The following BRDT variants were observed in gnomAD, a reference collection of about 807,000 sequenced individuals.
The protein encoded by BRDT is bromodomain testis associated, also known as bromodomain testis-specific protein.
A neutral mutation model predicts 113.9 loss-of-function variants in BRDT; 77 were observed. The ratio of observed to expected loss-of-function variants is 0.68; its 90% CI spans 0.56 to 0.82. The LOEUF is 0.82. BRDT is among the 40% of genes least tolerant of loss of function. BRDT has a pLI of 0.00. For missense variants in BRDT, 1,027 were observed against 1,105.4 expected, an observed-to-expected ratio of 0.93 and a Z score of 1.01; for synonymous variants, 358 against 366.5, an observed-to-expected ratio of 0.98 and a Z score of 0.26.
intron 2 of BRDT, 139 bp from the exon 3 acceptor site, chr1:91,964,488 C>T: frequency 3.8e-6 from 2 of 532,642 alleles, no homozygotes; most frequent in East Asian, 7.3e-5. Flanking sequence ...AGCCACTGTG[C>T]CCAGCCAGAA....
At chr1:91,951,020 C>T (rs1259828184) in intron 1 of BRDT, among the ~76,000 whole-genome samples, 4 of 62,236 alleles carry the variant, frequency 6.4e-5, no homozygotes, top group Admixed American at 2.0e-4. Flanking sequence ...AGTGAGACTC[C>T]GTCTCAAAAA....
chr1:91,978,191 T>A lies in BRDT; in HGVS notation c.993T>A (p.Tyr331Ter). 2 of 1,613,472 alleles carry A rather than the reference T, an allele frequency of 1.2e-6. No homozygotes were observed. The highest frequency in any genetic ancestry group is 1.7e-6 in the Non-Finnish European group (2 of 1,179,488). ...TIKEKMDNQE[Y>*]KDAYKFAADV... is the part of the protein sequence containing the mutation. Reference sequence around the variant, plus strand: ...AGGAGAAAATGGATAACCAAGAATATAAGGATGCATACAAATTTGCGGCAG... The same window carrying A: ...AGGAGAAAATGGATAACCAAGAATAAAAGGATGCATACAAATTTGCGGCAG... The change falls in exon 7 of 19, where the codon TAT (tyrosine) becomes TAA (stop). Residue 331 changes from tyrosine (Y) to a stop codon, truncating the protein, a stop_gained. Transcript: ENST00000399546. LOFTEE classifies it high-confidence loss of function.
chr1:91,964,686 GAATA>G lies in BRDT; in HGVS notation c.257_260del (p.Lys86IlefsTer9). On this transcript the variant is annotated frameshift_variant, in exon 3 of 19. Transcript: ENST00000399546. LOFTEE classifies it high-confidence loss of function. ...TAAATACAATTAAGAAGCGCTTGGA[GAATA>G]AATATTATGCGAAGGCTTCAGAATG... is the stretch of plus-strand genomic sequence containing the variant. The G allele has an allele frequency of 1.3e-6, 2 of 1,517,628 alleles. No individual in the cohort carries two copies. The highest frequency in any genetic ancestry group is 1.8e-6 in the Non-Finnish European group (2 of 1,107,384). The allele number at this position is 1,517,628 out of a possible 1,614,324, so 94.0% of individuals were successfully genotyped here. A position where few individuals can be genotyped will look rare whatever the true frequency, so the allele number is the denominator to read the frequency against.
At chr1:92,009,355 A>G (rs1336796148) in intron 18 of BRDT, among the ~76,000 whole-genome samples, 1 of 152,112 alleles carries the variant, frequency 6.6e-6, no homozygotes, top group Middle Eastern at 3.2e-3. Context: ...CTATTCAGCC[A>G]TTGATGGACA....
chr1:91,971,574 T>C (rs1683629842), intron 4 of BRDT, among the ~76,000 whole-genome samples: 1 of 152,260 alleles, frequency 6.6e-6, no homozygotes. Context: ...CTGATAATGT[T>C]GATTGAGCAA....
intron 18 of BRDT, among the ~76,000 whole-genome samples, chr1:92,007,896 T>TATTCATTC (rs374044683): frequency 1.3e-5 from 2 of 150,662 alleles, no homozygotes; most frequent in Non-Finnish European, 3.0e-5. Context: ...TTTATTTATT[T>TATTCATTC]ATTCATTCAT....
rs1008003078 is a variant in BRDT, at chr1:91,981,883, T to A, written c.2002+128T>A. 2.3e-5 allele frequency: 28 copies of A among 1,216,282 alleles called. No individual in the cohort carries two copies. In the East Asian group the frequency reaches 7.1e-4, roughly 31 times the overall value. The allele number at this position is 1,216,282 out of a possible 1,614,324, so 75.3% of individuals were successfully genotyped here. A position where few individuals can be genotyped will look rare whatever the true frequency, so the allele number is the denominator to read the frequency against. ...TGGTTTGTATATCATGCTAATTATT[T>A]AATTGCATGTTGACAATCTTAGTAT... is the stretch of plus-strand genomic sequence containing the variant. On this transcript the variant is annotated intron_variant, in intron 12 of 18. Transcript: ENST00000399546.
chr1:91,967,690 G>T (rs762089454), intron 3 of BRDT, among the ~76,000 whole-genome samples: 1 of 151,930 alleles, frequency 6.6e-6, no homozygotes, highest in African/African-American at 2.4e-5. Context: ...GAGCCACCGC[G>T]CCCAGCCTAA....
At chr1:91,993,927 G>A (rs1352180294) in intron 14 of BRDT, among the ~76,000 whole-genome samples, 156 bp from the exon 15 acceptor site, 2 of 152,172 alleles carry the variant, frequency 1.3e-5, no homozygotes, top group African/African-American at 2.4e-5. Context: ...TTGCAAGATA[G>A]GGATAACTAT....
chr1:91,994,867 C>CAA (rs11330809), intron 15 of BRDT, among the ~76,000 whole-genome samples: 108 of 65,432 alleles, frequency 1.7e-3, no homozygotes, highest in South Asian at 3.5e-3. Flanking sequence ...GACTCCGTCT[C>CAA]AAAAAAAAAA....
At chr1:91,980,857 A>G (rs1483913963) in intron 9 of BRDT, 32 bp from the exon 10 acceptor site, 6 of 1,592,848 alleles carry the variant, frequency 3.8e-6, no homozygotes, top group Admixed American at 1.8e-5. Context: ...GACAATAACG[A>G]TAAGTTGGAC....
intron 18 of BRDT, 107 bp downstream of exon 18, chr1:92,005,406 G>A: frequency 9.5e-7 from 1 of 1,049,144 alleles, no homozygotes; most frequent in Non-Finnish European, 1.3e-6. Flanking sequence ...TTCAGTGACA[G>A]TGGACTTACC....
chr1:91,971,876 T>C (rs1375301641), intron 4 of BRDT, among the ~76,000 whole-genome samples: 1 of 152,214 alleles, frequency 6.6e-6, no homozygotes, highest in Non-Finnish European at 1.5e-5. Context: ...TATTCCTTTT[T>C]GTTATCTCCC....
At chr1:92,014,063 C>A in intron 18 of BRDT, 143 bp from the exon 19 acceptor site, 1 of 542,114 alleles carries the variant, frequency 1.8e-6, no homozygotes, top group South Asian at 2.9e-5. Context: ...TATTGTTCAA[C>A]CTGAGAAAAT....
At position 91,981,670 on chromosome 1, in the gene BRDT, G is replaced by C. The variant is rs1557837971; in HGVS notation, c.1917G>C (p.Glu639Asp). ...KAVENVSRLS[E>D]SSSSSSSSSE... Reference sequence around the variant, plus strand: ...TTGAAAATGTTTCCCGACTGAGTGAGAGCAGCAGCAGCAGCAGCAGCTCAT... The same window carrying C: ...TTGAAAATGTTTCCCGACTGAGTGACAGCAGCAGCAGCAGCAGCAGCTCAT... Residue 639 changes from glutamate to aspartate, a missense_variant, in exon 12 of 19, where the codon GAG (glutamate) becomes GAC (aspartate). Coordinates refer to ENST00000399546, the MANE Select transcript of BRDT (RefSeq NM_207189.4). 1 of 1,613,650 alleles carries C rather than the reference G, an allele frequency of 6.2e-7. No homozygotes were observed. Among genetic ancestry groups the C allele is most frequent in the Non-Finnish European group, 8.5e-7 (1 of 1,179,780 alleles).
chr1:92,007,457 C>T (rs992645250), intron 18 of BRDT, among the ~76,000 whole-genome samples: 4 of 152,156 alleles, frequency 2.6e-5, no homozygotes, highest in Admixed American at 6.6e-5. Context: ...TCATATCATT[C>T]AGCTCCCACT....
chr1:91,978,458 T>G (rs1684365684), intron 7 of BRDT, among the ~76,000 whole-genome samples, 162 bp downstream of exon 7: 1 of 152,232 alleles, frequency 6.6e-6, no homozygotes, highest in African/African-American at 2.4e-5. Context: ...AGTTTATGAA[T>G]TATACTTTTA....
In BRDT at chr1:92,004,418, T is replaced by C. The variant is rs762719239; in HGVS notation, c.2393T>C (p.Ile798Thr). The C allele has an allele frequency of 1.3e-6, 2 of 1,596,196 alleles. No individual in the cohort carries two copies. Among genetic ancestry groups the C allele is most frequent in the African/African-American group, 1.4e-5 (1 of 73,682 alleles). The change falls in exon 17 of 19, where the codon ATA becomes ACA. Residue 798 changes from isoleucine (I) to threonine (T), a missense_variant. By Grantham distance (89) the Ile-to-Thr change is moderately conservative (BLOSUM62 -1). Transcript: ENST00000399546. The part of the protein sequence containing the change: ...SECQAPVQKD[I>T]KIKNADSWKS... ...TGAACCAAATATTTGTTTTAGGATATAAAGATTAAGAATGCAGATTCATGG... is the reference window on the plus strand; with the variant it reads ...TGAACCAAATATTTGTTTTAGGATACAAAGATTAAGAATGCAGATTCATGG...
At chr1:92,010,837 G>C (rs1333035596) in intron 18 of BRDT, among the ~76,000 whole-genome samples, 1 of 152,070 alleles carries the variant, frequency 6.6e-6, no homozygotes, top group Non-Finnish European at 1.5e-5. Context: ...ATTCCAATAT[G>C]TATGTCAGTT....
Sources: gnomAD v4.1 joint callset for allele counts (sites outside exome capture counted in the v4.1 genomes callset) on GRCh38, gnomAD v4.1.1 for gene constraint, MANE v1.5 for transcripts, NCBI Gene and HGNC (gene_info 2026-07-23, HGNC 2026-07-21) for gene names.